The following SCLY variants were observed in gnomAD, a reference collection of about 807,000 sequenced individuals.
SCLY encodes the protein selenocysteine lyase, also known as putative selenocysteine lyase.
In SCLY, 38 loss-of-function variants were observed where a neutral mutation model predicts 50.1. The ratio of observed to expected loss-of-function variants is 0.76; its 90% confidence interval spans 0.59 to 0.99. The LOEUF is 0.99. SCLY is among the 50% of genes least tolerant of loss of function. The pLI is 0.00. For synonymous variants in SCLY, 243 were observed against 249.4 expected (o/e 0.97, Z 0.24); for missense variants, 600 against 620.0 (o/e 0.97, Z 0.34).
intron 10 of SCLY, among the ~76,000 whole-genome samples, chr2:238,096,507 G>A (rs925209747): frequency 1.1e-4 from 16 of 152,264 alleles, no homozygotes; most frequent in African/African-American, 3.4e-4. Context: ...TGTAAGGAAG[G>A]AGCGGGTCAG....
intron 4 of SCLY, among the ~76,000 whole-genome samples, chr2:238,075,183 G>T (rs1466485412): frequency 6.6e-6 from 1 of 151,950 alleles, no homozygotes; most frequent in Non-Finnish European, 1.5e-5. Flanking sequence ...TGATCATGTG[G>T]GTTTTTGTTC....
chr2:238,088,321 G>A (rs954838484), intron 7 of SCLY, among the ~76,000 whole-genome samples: 3 of 152,092 alleles, frequency 2.0e-5, no homozygotes, highest in African/African-American at 7.2e-5. Flanking sequence ...AATTAGCCAG[G>A]TGTGGTGGCA....
At chr2:238,061,212 G>C in intron 1 of SCLY, 69 bp downstream of exon 1, 1 of 1,186,820 alleles carries the variant, frequency 8.4e-7, no homozygotes, top group Non-Finnish European at 1.2e-6. Flanking sequence ...GCGGGAGGAC[G>C]AAGGGGGCTC....
chr2:238,069,994 G>A lies in SCLY; in HGVS notation c.484+517G>A, dbSNP rs954094261. ...AAGCGAGCTGCCGCACCTGATCTCAGCACCCATGACGCGAGGCCTCCTGCT... is the reference window on the plus strand; with the variant it reads ...AAGCGAGCTGCCGCACCTGATCTCAACACCCATGACGCGAGGCCTCCTGCT... On this transcript the variant is annotated intron_variant, in intron 4 of 11. Coordinates refer to ENST00000254663, the MANE Select transcript of SCLY (RefSeq NM_016510.7). The surrounding 1 kb of genome is among the most constrained non-coding windows in gnomAD (Gnocchi z 5.0). 1.3e-5 allele frequency among the ~76,000 whole-genome samples: 2 copies of A among 152,250 alleles called. No individual in the cohort carries two copies. The highest frequency in any genetic ancestry group is 1.3e-4 in the Admixed American group (2 of 15,290).
Position 238,066,364 on chromosome 2 carries a change from A to G in SCLY, c.203-1701A>G, listed in dbSNP as rs1369493606. 6.6e-6 allele frequency among the ~76,000 whole-genome samples: 1 copy of G among 152,108 alleles called. No homozygotes were observed. Among genetic ancestry groups the G allele is most frequent in the Non-Finnish European group, 1.5e-5 (1 of 68,014 alleles). On this transcript the variant is annotated intron_variant, in intron 2 of 11. Coordinates refer to ENST00000254663, the MANE Select transcript of SCLY (RefSeq NM_016510.7). The surrounding 1 kb of genome is among the most constrained non-coding windows in gnomAD (Gnocchi z 4.1). ...TAGTATCATCATGAAAACAGTTTTG[A>G]CTTTGTGGACCTCCTGAGAGGGCCT...
rs1559254411 is a variant in SCLY, at chr2:238,098,587, ACATAGGAC to A, written c.*234_*241del. 1,716 of 411,906 alleles carry A rather than the reference ACATAGGAC, an allele frequency of 4.2e-3. 106 individuals are homozygous for A. The highest frequency in any genetic ancestry group is 5.9e-3 in the South Asian group (119 of 20,204). 25.5% of individuals were successfully genotyped at this position (411,906 alleles called of 1,614,324 possible). Reference sequence around the variant, plus strand: ...TAGGACTGCCCACATGGGACCGCCCACATAGGACCGCCCACATAGGACCGCCCACATGG... The same window carrying A: ...TAGGACTGCCCACATGGGACCGCCCACGCCCACATAGGACCGCCCACATGG... On this transcript the variant is annotated 3_prime_UTR_variant, in exon 12 of 12. Coordinates refer to ENST00000254663, the MANE Select transcript of SCLY (RefSeq NM_016510.7).
chr2:238,074,586 C>T (rs1245195621), intron 4 of SCLY, among the ~76,000 whole-genome samples: 3 of 152,064 alleles, frequency 2.0e-5, no homozygotes, highest in East Asian at 1.9e-4. Flanking sequence ...TGGGTTCAAG[C>T]GATTCTCCTG....
At chr2:238,063,036 C>A (rs2065032793) in intron 1 of SCLY, among the ~76,000 whole-genome samples, 1 of 152,150 alleles carries the variant, frequency 6.6e-6, no homozygotes, top group Non-Finnish European at 1.5e-5. Flanking sequence ...TGTGTGGCAA[C>A]CATGGGCTTC....
intron 7 of SCLY, among the ~76,000 whole-genome samples, chr2:238,090,081 A>C (rs1460247832): frequency 1.3e-5 from 2 of 152,186 alleles, no homozygotes; most frequent in Admixed American, 1.3e-4. Context: ...AGCAAAAATA[A>C]TATAAAAAAT....
At position 238,090,505 on chromosome 2, in the gene SCLY, C is replaced by T. The variant is rs141837339; in HGVS notation, c.885-713C>T. On this transcript the variant is annotated intron_variant, in intron 7 of 11. Transcript: ENST00000254663. ...CTTTACAAAAATTAGCTGGGCATGG[C>T]GGCACATGCCTGTAATCCCAGATAC... Among the ~76,000 whole-genome samples, 13 of 152,140 alleles carry T rather than the reference C, an allele frequency of 8.5e-5. No homozygotes were observed. The South Asian group carries it at 1.2e-3, about 15-fold the overall frequency.
intron 7 of SCLY, among the ~76,000 whole-genome samples, chr2:238,086,849 A>C (rs1433730324): frequency 2.0e-5 from 3 of 151,888 alleles, no homozygotes; most frequent in Non-Finnish European, 4.4e-5. Context: ...GAGAAACCCC[A>C]TCTCTACTAA....
rs771480315 is a variant in SCLY, at chr2:238,094,410, T to C, written c.1006-10T>C. On this transcript the variant is annotated splice_polypyrimidine_tract_variant and intron_variant, in intron 9 of 11. Coordinates refer to ENST00000254663, the MANE Select transcript of SCLY (RefSeq NM_016510.7). Reference sequence around the variant, plus strand: ...AAGCTGTCACCAAATATTTCACTTATTTTTTTCAGGCTGAATTCGGTCAGA... The same window carrying C: ...AAGCTGTCACCAAATATTTCACTTACTTTTTTCAGGCTGAATTCGGTCAGA... The C allele has an allele frequency of 8.7e-6, 14 of 1,609,756 alleles. No homozygotes were observed. Among genetic ancestry groups the C allele is most frequent in the East Asian group, 2.2e-5 (1 of 44,838 alleles).
intron 7 of SCLY, among the ~76,000 whole-genome samples, chr2:238,084,005 C>T (rs1165958709): frequency 6.6e-6 from 1 of 152,248 alleles, no homozygotes; most frequent in Non-Finnish European, 1.5e-5. Flanking sequence ...CCTAGCAAGA[C>T]AGAAAACTTT....
chr2:238,097,397 G>A (rs1452464488), intron 11 of SCLY, among the ~76,000 whole-genome samples: 1 of 139,970 alleles, frequency 7.1e-6, no homozygotes, highest in Admixed American at 7.1e-5. Context: ...CCTGCTGGCA[G>A]CAGGGGAGAA....
rs756365025 is a variant in SCLY at position 238,061,335 on chromosome 2, AG to A, written c.89+195del. 14 of 704,540 alleles carry A rather than the reference AG, an allele frequency of 2.0e-5. No individual in the cohort carries two copies. The South Asian group carries it at 2.1e-4, about 11-fold the overall frequency. The allele number at this position is 704,540 out of a possible 1,614,324, so 43.6% of individuals were successfully genotyped here. On this transcript the variant is annotated intron_variant, in intron 1 of 11. Transcript: ENST00000254663. ...AGCGGGTGCGAGCTGTGGCCCCGCAAGGGCCCACGGAGAGGTGACTTTGGGG... is the reference window on the plus strand; with the variant it reads ...AGCGGGTGCGAGCTGTGGCCCCGCAAGGCCCACGGAGAGGTGACTTTGGGG...
At position 238,061,063 on chromosome 2, in the gene SCLY, G is replaced by C; in HGVS notation, c.9G>C (p.Ala3=). ...GCAGCAGTGGGGCGGGGATGGAGGC[G>C]GCCGTGGCGCCGGGGAGGGATGCGC... is the stretch of plus-strand genomic sequence containing the variant. ME[A]AVAPGRDAPA... is the part of the protein sequence containing the mutation. The change falls in exon 1 of 12, where the codon GCG becomes GCC. Residue 3 remains alanine (A), a synonymous_variant. Transcript: ENST00000254663. The C allele has an allele frequency of 7.2e-7, 1 of 1,388,718 alleles. No homozygotes were observed. Among genetic ancestry groups the C allele is most frequent in the Non-Finnish European group, 9.2e-7 (1 of 1,081,426 alleles). 86.0% of individuals were successfully genotyped at this position (1,388,718 alleles called of 1,614,324 possible).
Position 238,098,943 on chromosome 2 carries a change from G to T in SCLY, c.*588G>T. 1 of 237,154 alleles carries T rather than the reference G, an allele frequency of 4.2e-6. No homozygotes were observed. The highest frequency in any genetic ancestry group is 8.3e-6 in the Non-Finnish European group (1 of 120,700). The allele number at this position is 237,154 out of a possible 1,614,324, so 14.7% of individuals were successfully genotyped here. The stretch of plus-strand genomic sequence containing the variant: ...GCTGCCCCCACCACCCTGCTCCTCT[G>T]GCCTCAGTGCACAGTGGCCCCCAGC... On this transcript the variant is annotated 3_prime_UTR_variant, in exon 12 of 12. Transcript: ENST00000254663.
rs1166180384 is a variant in SCLY, at chr2:238,083,277, T to C, written c.807T>C (p.Tyr269=). Residue 269 remains tyrosine (Y), a synonymous_variant, in exon 7 of 12, where the codon TAT becomes TAC. Coordinates refer to ENST00000254663, the MANE Select transcript of SCLY (RefSeq NM_016510.7). The surrounding 1 kb of genome is among the most constrained non-coding windows in gnomAD (Gnocchi z 4.3). ...KFYGPRIGAL[Y]IRGLGEFTPL... ...ATGGTCCCAGGATTGGCGCACTTTA[T>C]ATACGAGGACTTGGTGAATTTACCC... 6.2e-7 allele frequency: 1 copy of C among 1,613,952 alleles called. No homozygotes were observed. Among genetic ancestry groups the C allele is most frequent in the South Asian group, 1.1e-5 (1 of 91,086 alleles).
chr2:238,098,142 G>T (rs1421098036), intron 11 of SCLY, 60 bp from the exon 12 acceptor site: 13 of 1,575,318 alleles, frequency 8.3e-6, no homozygotes, highest in Middle Eastern at 1.7e-4. Context: ...AGAGCAGGGG[G>T]GGCTGTGTCT....
Sources: allele counts gnomAD v4.1 joint callset (sites outside exome capture counted in the v4.1 genomes callset), GRCh38; gene constraint gnomAD v4.1.1; non-coding constraint Gnocchi (gnomAD v3.1); transcripts MANE v1.5; gene names NCBI Gene and HGNC (gene_info 2026-07-23, HGNC 2026-07-21).